Variants in CRYBG3 observed in about 807,000 individuals in gnomAD.
CRYBG3 encodes the protein very large A-kinase anchor protein.
A neutral mutation model predicts 244.2 loss-of-function variants in CRYBG3; 127 were observed. The observed-to-expected ratio is 0.52, with a 90% CI of 0.45 to 0.60. The LOEUF (loss-of-function observed/expected upper bound fraction) is 0.60, where lower values mean the gene tolerates loss of function less well. CRYBG3 is among the 20% of genes least tolerant of loss of function. The probability of loss-of-function intolerance (pLI) is 0.00; values close to 1 mark genes in which losing one functional copy is unlikely to be tolerated. For missense variants in CRYBG3, 3,325 were observed against 3,442.5 expected (o/e 0.97, Z 0.85); for synonymous variants, 1,132 against 1,195.8 (o/e 0.95, Z 1.10).
intron 15 of CRYBG3, among the ~76,000 whole-genome samples, chr3:97,910,350 GCTGCCGCCTTGCAGTTTGTTCTCAGA>G (rs2039853440): frequency 2.0e-5 from 3 of 152,192 alleles, no homozygotes; most frequent in Admixed American, 2.0e-4. Flanking sequence ...CCCCAGCCTG[GCTGCCGCCTTGCAGTTTGTTCTCAGA>G]CTGCTGTGCT....
At chr3:97,924,715 A>T (rs1192014512) in intron 17 of CRYBG3, among the ~76,000 whole-genome samples, 2 of 151,834 alleles carry the variant, frequency 1.3e-5, no homozygotes, top group Non-Finnish European at 1.5e-5. Context: ...TAACCCTCCT[A>T]CCTTCCTCTT....
chr3:97,895,154 C>T (rs921977966), intron 11 of CRYBG3, among the ~76,000 whole-genome samples: 1 of 152,186 alleles, frequency 6.6e-6, no homozygotes, highest in East Asian at 1.9e-4. Flanking sequence ...TATTGGAGGG[C>T]ATCTCAGTCT....
In CRYBG3 at chr3:97,872,363, G is replaced by A. The variant is rs1409061443; in HGVS notation, c.1169G>A (p.Arg390His). Residue 390 changes from arginine (R) to histidine (H), a missense_variant, in exon 4 of 22, where the codon CGC (arginine) becomes CAC (histidine). Arg to His is a conservative substitution (Grantham distance 29, BLOSUM62 0). Transcript: ENST00000389622. ...GCATTGTTAACAGGAAGTAACCATCGCAAAGTCCCTTGCAGCCCAGATTTT... is the reference window on the plus strand; with the variant it reads ...GCATTGTTAACAGGAAGTAACCATCACAAAGTCCCTTGCAGCCCAGATTTT... ...CSALLTGSNHRKVPCSPDFQR... is the reference protein window; with the variant it reads ...CSALLTGSNHHKVPCSPDFQR... The A allele has an allele frequency of 1.0e-5, 16 of 1,535,854 alleles. No individual in the cohort carries two copies. The highest frequency in any genetic ancestry group is 4.9e-5 in the East Asian group (2 of 40,902).
rs754738907 is a variant in CRYBG3 at position 97,879,703 on chromosome 3, GA to G, written c.6845del (p.Asn2282MetfsTer7). The G allele has an allele frequency of 3.1e-6, 5 of 1,596,636 alleles. No individual in the cohort carries two copies. Among genetic ancestry groups the G allele is most frequent in the Admixed American group, 1.7e-5 (1 of 57,486 alleles). On this transcript the variant is annotated frameshift_variant and splice_region_variant, in exon 5 of 22. Coordinates refer to ENST00000389622, the MANE Select transcript of CRYBG3 (RefSeq NM_153605.4). LOFTEE classifies it high-confidence loss of function. ...SPGRLSPFIE[N>X]VDKQTLRCNP... ...TTACTTTTCCACTTTTATTATTTCA[GA>G]ATGTTGACAAACAAACTCTGAGATG...
rs1246786746 is a variant in CRYBG3 at position 97,864,583 on chromosome 3, C to A, written c.583C>A (p.Leu195Ile). The A allele has an allele frequency of 1.3e-6, 2 of 1,535,608 alleles. No homozygotes were observed. The highest frequency in any genetic ancestry group is 2.0e-5 in the Admixed American group (1 of 50,956). ...AGAACAAGACTCTAACTCATCCGAACTCTCAGATGCTTTTTCTTTGGATAC... is the reference window on the plus strand; with the variant it reads ...AGAACAAGACTCTAACTCATCCGAAATCTCAGATGCTTTTTCTTTGGATAC... ...TEEQDSNSSE[L>I]SDAFSLDTTQ... Residue 195 changes from leucine (L) to isoleucine (I), a missense_variant, in exon 3 of 22, where the codon CTC becomes ATC. By Grantham distance (5) the Leu-to-Ile change is conservative. This residue lies in a region of CRYBG3 where 1,526 missense variants were observed against 1,443.2 expected (regional missense o/e 1.06). Transcript: ENST00000389622.
chr3:97,944,507 C>CACTT lies in CRYBG3; in HGVS notation c.*1194_*1197dup, dbSNP rs1559753334. The CACTT allele has an allele frequency of 1.3e-5, 2 of 152,306 alleles. No individual in the cohort carries two copies. Among genetic ancestry groups the CACTT allele is most frequent in the African/African-American group, 4.8e-5 (2 of 41,382 alleles). The allele number at this position is 152,306 out of a possible 1,614,324, so 9.4% of individuals were successfully genotyped here. Reference sequence around the variant, plus strand: ...ATTTTAAAAAATATCAACCTACATGCACTTTAGAATGTAAAATAACAATGA... The same window carrying CACTT: ...ATTTTAAAAAATATCAACCTACATGCACTTACTTTAGAATGTAAAATAACAATGA... On this transcript the variant is annotated 3_prime_UTR_variant, in exon 22 of 22. Transcript: ENST00000389622.
At chr3:97,889,056 T>C (rs1465531303) in intron 9 of CRYBG3, among the ~76,000 whole-genome samples, 1 of 152,202 alleles carries the variant, frequency 6.6e-6, no homozygotes. Context: ...TAAATCTTAA[T>C]TGGTCATGTG....
At chr3:97,886,854 A>G in intron 8 of CRYBG3, 87 bp downstream of exon 8, 1 of 1,185,580 alleles carries the variant, frequency 8.4e-7, no homozygotes, top group Non-Finnish European at 1.2e-6. Context: ...TAAAGTTTCT[A>G]GCTAATGTTT....
Position 97,871,894 on chromosome 3 carries a change from G to A in CRYBG3, c.700G>A (p.Gly234Ser). Residue 234 changes from glycine (G) to serine (S), a missense_variant, in exon 4 of 22, where the codon GGC becomes AGC. Gly to Ser is a moderately conservative substitution (Grantham distance 56). This residue lies in a region of CRYBG3 where 1,526 missense variants were observed against 1,443.2 expected (regional missense o/e 1.06). Coordinates refer to ENST00000389622, the MANE Select transcript of CRYBG3 (RefSeq NM_153605.4). ...KPSVTYATYR[G>S]PRHIGKYLKQ... ...TTCAGTAACATATGCAACATATCGA[G>A]GCCCAAGACACATTGGGAAATATTT... 1 of 1,532,720 alleles carries A rather than the reference G, an allele frequency of 6.5e-7. No homozygotes were observed. The allele number at this position is 1,532,720 out of a possible 1,614,324, so 94.9% of individuals were successfully genotyped here. A position where few individuals can be genotyped will look rare whatever the true frequency, so the allele number is the denominator to read the frequency against.
intron 11 of CRYBG3, among the ~76,000 whole-genome samples, chr3:97,893,986 T>G (rs897605981): frequency 1.3e-5 from 2 of 152,212 alleles, no homozygotes; most frequent in African/African-American, 2.4e-5. Context: ...ATTATTAGTC[T>G]GACATATTAA....
intron 7 of CRYBG3, among the ~76,000 whole-genome samples, chr3:97,884,316 T>C (rs1640347116): frequency 6.6e-6 from 1 of 152,142 alleles, no homozygotes; most frequent in Non-Finnish European, 1.5e-5. Context: ...TTAGAATAAA[T>C]GAATATTGCA....
intron 7 of CRYBG3, among the ~76,000 whole-genome samples, chr3:97,885,291 G>A (rs1270821722): frequency 6.6e-6 from 1 of 152,074 alleles, no homozygotes; most frequent in East Asian, 1.9e-4. Context: ...AATTCAGTTT[G>A]GGGAAAAGTT....
At chr3:97,860,219 C>G (rs773907199) in intron 2 of CRYBG3, among the ~76,000 whole-genome samples, 14 of 152,112 alleles carry the variant, frequency 9.2e-5, no homozygotes, top group Non-Finnish European at 1.5e-4. Context: ...ATTTATTACT[C>G]TAACAAACAT....
Position 97,912,276 on chromosome 3 carries a change from G to T in CRYBG3, c.8114G>T (p.Cys2705Phe), listed in dbSNP as rs756786289. 1.3e-6 allele frequency: 2 copies of T among 1,520,510 alleles called. No homozygotes were observed. The highest frequency in any genetic ancestry group is 1.8e-6 in the Non-Finnish European group (2 of 1,104,548). 94.2% of individuals were successfully genotyped at this position (1,520,510 alleles called of 1,614,324 possible). A position where few individuals can be genotyped will look rare whatever the true frequency, so the allele number is the denominator to read the frequency against. Residue 2705 changes from cysteine to phenylalanine, a missense_variant and splice_region_variant, in exon 16 of 22, where the codon TGC becomes TTC. Coordinates refer to ENST00000389622, the MANE Select transcript of CRYBG3 (RefSeq NM_153605.4). ...TGTTCTTTTAAAGTTCTTCGAGGTT[G>T]GTAAGTATGCTTACTTAGTGGTTTC... ...MPCSFKVLRG[C>F]WLLYYQEDMF... is the part of the protein sequence containing the mutation.
intron 1 of CRYBG3, among the ~76,000 whole-genome samples, chr3:97,842,960 G>A (rs1469183648): frequency 6.6e-6 from 1 of 152,148 alleles, no homozygotes; most frequent in Non-Finnish European, 1.5e-5. Context: ...GATTATCTGT[G>A]TAAGAAAATA....
intron 2 of CRYBG3, among the ~76,000 whole-genome samples, chr3:97,849,845 T>C (rs1234034932): frequency 6.6e-6 from 1 of 152,200 alleles, no homozygotes; most frequent in African/African-American, 2.4e-5. Flanking sequence ...CCAGTGCTTT[T>C]GCTGAAATAC....
chr3:97,861,623 A>C (rs2039150022), intron 2 of CRYBG3, among the ~76,000 whole-genome samples: 1 of 152,164 alleles, frequency 6.6e-6, no homozygotes, highest in African/African-American at 2.4e-5. Flanking sequence ...TATACACATA[A>C]TACCAAAATC....
chr3:97,916,684 C>A (rs2039932711), intron 17 of CRYBG3, among the ~76,000 whole-genome samples: 1 of 152,112 alleles, frequency 6.6e-6, no homozygotes, highest in Non-Finnish European at 1.5e-5. Flanking sequence ...TACTCAGGAT[C>A]TTTGATCTCA....
chr3:97,917,290 A>T (rs923131502), intron 17 of CRYBG3, among the ~76,000 whole-genome samples: 1 of 152,070 alleles, frequency 6.6e-6, no homozygotes, highest in Non-Finnish European at 1.5e-5. Flanking sequence ...GCATGTCCCT[A>T]GTTTTGGTCC....
Sources: allele counts gnomAD v4.1 joint callset (sites outside exome capture counted in the v4.1 genomes callset), GRCh38; gene constraint gnomAD v4.1.1; regional missense constraint gnomAD v4.1.1; transcripts MANE v1.5; gene names NCBI Gene and HGNC (gene_info 2026-07-23, HGNC 2026-07-21).